Variants in NRXN3 observed in about 807,000 individuals in gnomAD.
The protein encoded by NRXN3 is neurexin III.
A neutral mutation model predicts 137.6 loss-of-function variants in NRXN3; 32 were observed. The observed-to-expected ratio is 0.23, with a 90% CI of 0.18 to 0.31. The LOEUF (loss-of-function observed/expected upper bound fraction) is 0.31, where lower values mean the gene tolerates loss of function less well. Among genes scored for constraint, NRXN3 ranks in the 10% least tolerant of loss-of-function variants. The pLI is 1.00. For missense variants in NRXN3, 1,574 were observed against 2,062.5 expected, an observed-to-expected ratio of 0.76 and a Z score of 4.59; for synonymous variants, 798 against 784.5, an observed-to-expected ratio of 1.02 and a Z score of -0.29.
intron 15 of NRXN3, among the ~76,000 whole-genome samples, chr14:79,292,305 A>G (rs1566694570): frequency 2.0e-5 from 3 of 152,188 alleles, no homozygotes; most frequent in Non-Finnish European, 2.9e-5. Flanking sequence ...CCCAAGAGTG[A>G]GGGACCCCCT....
At position 78,404,907 on chromosome 14, in the gene NRXN3, C is replaced by CT. The variant is rs2092380628; in HGVS notation, c.757+107048dup. The stretch of plus-strand genomic sequence containing the variant: ...ACAAGGACACACAAACACAGGGTCT[C>CT]TCTGCCTGCCTATCGTCTGTCTACT... On this transcript the variant is annotated intron_variant, in intron 4 of 20. Transcript: ENST00000335750. 2.0e-5 allele frequency among the ~76,000 whole-genome samples: 3 copies of CT among 152,294 alleles called. No individual in the cohort carries two copies. The South Asian group carries it at 6.2e-4, about 32-fold the overall frequency.
At chr14:78,626,819 T>A (rs892218158) in intron 4 of NRXN3, among the ~76,000 whole-genome samples, 1 of 152,256 alleles carries the variant, frequency 6.6e-6, no homozygotes, top group African/African-American at 2.4e-5. Context: ...CCTAGAGCAC[T>A]CTTATCACTT....
intron 4 of NRXN3, among the ~76,000 whole-genome samples, chr14:78,488,664 G>T (rs542251748): frequency 2.0e-5 from 3 of 151,608 alleles, no homozygotes; most frequent in Non-Finnish European, 4.4e-5. Context: ...ATGTTTGTTG[G>T]AGGAAAAGAA....
intron 8 of NRXN3, among the ~76,000 whole-genome samples, chr14:78,723,901 C>T (rs1190868164): frequency 2.0e-5 from 3 of 152,078 alleles, no homozygotes; most frequent in Non-Finnish European, 2.9e-5. Context: ...CATAAGAGAA[C>T]ATACCAAAGC....
chr14:78,371,414 C>T (rs2153617246), intron 4 of NRXN3, among the ~76,000 whole-genome samples: 1 of 152,310 alleles, frequency 6.6e-6, no homozygotes, highest in East Asian at 1.9e-4. Context: ...GCCACTTCCA[C>T]TGCTTAATAA....
At chr14:78,678,792 A>G (rs2098039723) in intron 6 of NRXN3, among the ~76,000 whole-genome samples, 1 of 152,126 alleles carries the variant, frequency 6.6e-6, no homozygotes, top group African/African-American at 2.4e-5. Flanking sequence ...AAAGGTGCAT[A>G]TATTGCACAT....
rs148395682 is a variant in NRXN3 at position 79,205,626 on chromosome 14, T to G, written c.3262+217485T>G. 9.4e-3 allele frequency among the ~76,000 whole-genome samples: 1,432 copies of G among 152,324 alleles called. 16 individuals are homozygous for G. The highest frequency in any genetic ancestry group is 0.027 in the Middle Eastern group (8 of 294). On this transcript the variant is annotated intron_variant, in intron 15 of 20. Transcript: ENST00000335750. ...TTGTATTTTTATTGCTTGGATTAAT[T>G]CAGTCCTAATAGAGCATAATGGTAT...
chr14:78,943,909 A>T (rs1409439236), intron 10 of NRXN3, among the ~76,000 whole-genome samples: 1 of 151,658 alleles, frequency 6.6e-6, no homozygotes, highest in Non-Finnish European at 1.5e-5. Context: ...TGGATAACTG[A>T]AGAATTAGTT....
At position 78,860,276 on chromosome 14, in the gene NRXN3, C is replaced by T. The variant is rs982432585; in HGVS notation, c.2275+49932C>T. On this transcript the variant is annotated intron_variant, in intron 10 of 20. Transcript: ENST00000335750. ...ATTTTTACTATCATCCTTATCTATA[C>T]GGAGAGTGAGGCTTGATGGGATCAA... Among the ~76,000 whole-genome samples the T allele has an allele frequency of 1.1e-4, 17 of 152,134 alleles. 1 individual carries two copies. The South Asian group carries it at 1.7e-3, about 15-fold the overall frequency.
intron 16 of NRXN3, among the ~76,000 whole-genome samples, chr14:79,606,457 T>G (rs1364983071): frequency 6.6e-6 from 1 of 152,342 alleles, no homozygotes; most frequent in African/African-American, 2.4e-5. Context: ...TCTATAATTA[T>G]CAGTAGCTGC....
At chr14:79,770,951 C>T (rs1459109544) in intron 19 of NRXN3, among the ~76,000 whole-genome samples, 7 of 152,146 alleles carry the variant, frequency 4.6e-5, no homozygotes, top group South Asian at 2.1e-4. Context: ...ATATCACCAC[C>T]GATCCCACAG....
chr14:78,583,456 G>T (rs1382810413), intron 4 of NRXN3, among the ~76,000 whole-genome samples: 1 of 149,828 alleles, frequency 6.7e-6, no homozygotes, highest in Non-Finnish European at 1.5e-5. Context: ...AAAAAGTATT[G>T]CCAGTTCCCA....
chr14:79,134,392 A>G (rs1219984225), intron 15 of NRXN3, among the ~76,000 whole-genome samples: 2 of 152,232 alleles, frequency 1.3e-5, no homozygotes, highest in Non-Finnish European at 2.9e-5. Context: ...AAAAATGGTA[A>G]GAGACTATCT....
rs79252205 is a variant in NRXN3 at position 78,576,950 on chromosome 14, G to T, written c.758-68170G>T. 4.9e-3 allele frequency among the ~76,000 whole-genome samples: 739 copies of T among 152,262 alleles called. 20 individuals carry two copies. The East Asian group carries it at 0.092, about 19-fold the overall frequency. ...TTCTCTTTAGTCTTGCTGATTCTGG[G>T]AATGATTTATGACCTTCTGTCTGGG... On this transcript the variant is annotated intron_variant, in intron 4 of 20. Transcript: ENST00000335750.
intron 10 of NRXN3, among the ~76,000 whole-genome samples, chr14:78,952,711 A>G (rs920696086): frequency 1.1e-4 from 17 of 152,310 alleles, no homozygotes; most frequent in Middle Eastern, 3.4e-3. Flanking sequence ...TAATTTTCAT[A>G]TATTTTATGC....
intron 4 of NRXN3, among the ~76,000 whole-genome samples, chr14:78,394,391 T>C (rs2091183676): frequency 6.6e-6 from 1 of 151,986 alleles, no homozygotes; most frequent in African/African-American, 2.4e-5. Flanking sequence ...GGTTTTTGAA[T>C]ATTGAAACAA....
intron 15 of NRXN3, among the ~76,000 whole-genome samples, chr14:79,125,797 G>A (rs2620390): frequency 0.66 from 100,587 of 151,842 alleles, 33,825 homozygotes; most frequent in East Asian, 0.81. Flanking sequence ...TTTTTTGCTC[G>A]TCTTTTTCAT....
intron 4 of NRXN3, among the ~76,000 whole-genome samples, chr14:78,308,620 T>C (rs2077610681): frequency 6.6e-6 from 1 of 152,132 alleles, no homozygotes; most frequent in South Asian, 2.1e-4. Flanking sequence ...AAATATTTAC[T>C]TAAAGATAAG....
chr14:78,471,081 T>G (rs1248367559), intron 4 of NRXN3, among the ~76,000 whole-genome samples: 1 of 152,172 alleles, frequency 6.6e-6, no homozygotes, highest in African/African-American at 2.4e-5. Context: ...TGTGATTTGA[T>G]GTAGAGTGGT....
Sources: gnomAD v4.1 joint callset for allele counts (sites outside exome capture counted in the v4.1 genomes callset) on GRCh38, gnomAD v4.1.1 for gene constraint, MANE v1.5 for transcripts, NCBI Gene and HGNC (gene_info 2026-07-23, HGNC 2026-07-21) for gene names.